The following CYP27B1 variants were observed in gnomAD, a reference collection of about 807,000 sequenced individuals.
CYP27B1 encodes 25-hydroxyvitamin D-1 alpha hydroxylase, mitochondrial.
A neutral mutation model predicts 54.8 loss-of-function variants in CYP27B1; 46 were observed. The observed-to-expected ratio is 0.84, with a 90% CI of 0.66 to 1.07. CYP27B1 has a LOEUF of 1.07. CYP27B1 is among the 50% of genes least tolerant of loss of function. The pLI, the probability that CYP27B1 is intolerant of heterozygous loss-of-function variation, is 0.00. For synonymous variants in CYP27B1, 292 were observed against 297.3 expected (o/e 0.98, Z 0.18); for missense variants, 674 against 692.2 (o/e 0.97, Z 0.30).
chr12:57,765,436 C>G lies in CYP27B1; in HGVS notation c.450G>C (p.Ala150=). ...TCAGGGTTCCGGCGTAGCGGGCGGC[C>G]GCTTGAGGCCGGAGGAGGAGCGGGG... ...LLAPLLLRPQ[A]AARYAGTLNN... The change falls in exon 3 of 9, where the codon GCG becomes GCC. Residue 150 remains alanine (A), a synonymous_variant. Transcript: ENST00000228606. The surrounding 1 kb of genome is among the most constrained non-coding windows in gnomAD (Gnocchi z 5.8). The G allele has an allele frequency of 6.2e-7, 1 of 1,612,884 alleles. No homozygotes were observed. The highest frequency in any genetic ancestry group is 8.5e-7 in the Non-Finnish European group (1 of 1,179,572).
rs763451961 is a variant in CYP27B1, at chr12:57,766,035, G to A, written c.358C>T (p.Arg120Cys). 8.3e-6 allele frequency: 13 copies of A among 1,569,612 alleles called. No individual in the cohort carries two copies. The highest frequency in any genetic ancestry group is 1.0e-5 in the Non-Finnish European group (12 of 1,162,062). ...FSPWTEHRRC[R>C]QRACGLLTAE... ...GTGAGCAGTCCGCAAGCCCGCTGGC[G>A]GCAGCGGCGGTGCTCCGTCCAGGGC... Residue 120 changes from arginine to cysteine, a missense_variant, in exon 2 of 9, where the codon CGC (arginine) becomes TGC (cysteine). Transcript: ENST00000228606.
intron 1 of CYP27B1, chr12:57,766,413 T>G (rs1051644994): frequency 1.6e-6 from 1 of 606,656 alleles, no homozygotes; most frequent in Non-Finnish European, 2.8e-6. Flanking sequence ...CGGAACTTTG[T>G]GCAAGGCAGA....
chr12:57,766,723 C>T, intron 1 of CYP27B1, 124 bp downstream of exon 1: 1 of 1,102,670 alleles, frequency 9.1e-7, no homozygotes, highest in South Asian at 1.4e-5. Flanking sequence ...TCGCCTTTTC[C>T]TTATTTCATG....
At position 57,765,973 on chromosome 12, in the gene CYP27B1, G is replaced by C; in HGVS notation, c.386+34C>G. On this transcript the variant is annotated intron_variant, in intron 2 of 8. Transcript: ENST00000228606. The surrounding 1 kb of genome is among the most constrained non-coding windows in gnomAD (Gnocchi z 5.8). ...CCGCAGCAGGAGAGGGCCGCTGCAG[G>C]GCGTCTGGGCTTCTGGGGGCAGAGA... 2 of 1,518,412 alleles carry C rather than the reference G, an allele frequency of 1.3e-6. No homozygotes were observed. Among genetic ancestry groups the C allele is most frequent in the East Asian group, 4.8e-5 (2 of 41,360 alleles). 94.1% of individuals were successfully genotyped at this position (1,518,412 alleles called of 1,614,324 possible). A position where few individuals can be genotyped will look rare whatever the true frequency, so the allele number is the denominator to read the frequency against.
At chr12:57,766,344 T>A in intron 1 of CYP27B1, 147 bp from the exon 2 acceptor site, 1 of 1,063,824 alleles carries the variant, frequency 9.4e-7, no homozygotes, top group Non-Finnish European at 1.3e-6. Context: ...CCTTTGATAC[T>A]GCAAACTCCT....
rs188819808 is a variant in CYP27B1 at position 57,763,826 on chromosome 12, A to C, written c.1216-18T>G. ...ACCAGCGTCTGGTGCAAAGGAAAAC[A>C]AACTTGTCAGTTTGGGCTCAGAATA... On this transcript the variant is annotated intron_variant, in intron 7 of 8. Coordinates refer to ENST00000228606, the MANE Select transcript of CYP27B1 (RefSeq NM_000785.4). 390 of 1,613,348 alleles carry C rather than the reference A, an allele frequency of 2.4e-4. No individual in the cohort carries two copies. Among genetic ancestry groups the C allele is most frequent in the Non-Finnish European group, 2.8e-4 (336 of 1,179,328 alleles).
At chr12:57,763,378 C>A in intron 8 of CYP27B1, 123 bp from the exon 9 acceptor site, 3 of 885,614 alleles carry the variant, frequency 3.4e-6, no homozygotes, top group Non-Finnish European at 5.6e-6. Flanking sequence ...TGGGTGGCAC[C>A]TGTGGCCAGT....
At position 57,766,380 on chromosome 12, in the gene CYP27B1, A is replaced by T. The variant is rs1955360870; in HGVS notation, c.196-183T>A. ...CCTCTCTCATTTCCCATCCCTAGAA[A>T]GTTTGAGTGTGATGGGCAAAACCGG... On this transcript the variant is annotated intron_variant, in intron 1 of 8. Transcript: ENST00000228606. The T allele has an allele frequency of 1.2e-5, 10 of 858,952 alleles. No individual in the cohort carries two copies. In the South Asian group the frequency reaches 2.2e-4, roughly 19 times the overall value. 53.2% of individuals were successfully genotyped at this position (858,952 alleles called of 1,614,324 possible). A position where few individuals can be genotyped will look rare whatever the true frequency, so the allele number is the denominator to read the frequency against.
At chr12:57,764,707 G>A (rs957482011) in intron 5 of CYP27B1, 47 bp downstream of exon 5, 1 of 1,612,458 alleles carries the variant, frequency 6.2e-7, no homozygotes, top group East Asian at 2.2e-5. Flanking sequence ...GGAGTCTGCG[G>A]AGGCTAAGCC....
intron 1 of CYP27B1, 147 bp from the exon 2 acceptor site, chr12:57,766,344 T>C (rs377299358): frequency 3.9e-5 from 42 of 1,063,710 alleles, no homozygotes; most frequent in African/African-American, 2.1e-4. Flanking sequence ...CCTTTGATAC[T>C]GCAAACTCCT....
rs1427237872 is a variant in CYP27B1, at chr12:57,765,091, G to A, written c.710C>T (p.Ala237Val). 2 of 1,613,904 alleles carry A rather than the reference G, an allele frequency of 1.2e-6. No homozygotes were observed. The highest frequency in any genetic ancestry group is 1.7e-6 in the Non-Finnish European group (2 of 1,180,032). The change falls in exon 4 of 9, where the codon GCG becomes GTG. Residue 237 changes from alanine (A) to valine (V), a missense_variant. Ala to Val is a moderately conservative substitution (Grantham distance 64). Transcript: ENST00000228606. This position sits in a 1 kb window ranked among gnomAD's most constrained non-coding sequence, Gnocchi z 5.8. ...SVFVSTLLTMAMPHWLRHLVP... is the reference protein window; with the variant it reads ...SVFVSTLLTMVMPHWLRHLVP... ...AAGGTGGCGCAGCCAGTGGGGCATC[G>A]CCATGGTCAACAGCGTGGACACAAA...
chr12:57,764,003 G>A (rs1246450993), intron 7 of CYP27B1, 95 bp downstream of exon 7: 7 of 1,176,090 alleles, frequency 6.0e-6, no homozygotes, highest in Non-Finnish European at 8.9e-6. Context: ...CAAGGGGAGT[G>A]TTTGAAGGGC....
Position 57,764,800 on chromosome 12 carries a change from G to A in CYP27B1, c.917C>T (p.Ser306Phe). 7 of 1,614,144 alleles carry A rather than the reference G, an allele frequency of 4.3e-6. No homozygotes were observed. The highest frequency in any genetic ancestry group is 5.9e-6 in the Non-Finnish European group (7 of 1,180,016). The change falls in exon 5 of 9, where the codon TCC (serine) becomes TTC (phenylalanine). Residue 306 changes from serine to phenylalanine, a missense_variant. Transcript: ENST00000228606. ...CAACTCTGTCACATTTCCCAGGATGGACTGGGCAGGCAACTCTTCCCGGAA... is the reference window on the plus strand; with the variant it reads ...CAACTCTGTCACATTTCCCAGGATGAACTGGGCAGGCAACTCTTCCCGGAA... Reference protein sequence around the residue: ...FLFREELPAQSILGNVTELLL... With the variant: ...FLFREELPAQFILGNVTELLL...
In CYP27B1 at chr12:57,765,331, G is replaced by A. The variant is rs1431468042; in HGVS notation, c.555C>T (p.Asp185=). ...RGTGPPALVR[D]VAGEFYKFGL... is the part of the protein sequence containing the mutation. The stretch of plus-strand genomic sequence containing the variant: ...CGAACTTGTAAAATTCCCCCGCCAC[G>A]TCCCGAACCAGGGCGGGCGGCCCCG... The change falls in exon 3 of 9, where the codon GAC becomes GAT. Residue 185 remains aspartate, a synonymous_variant. Transcript: ENST00000228606. The surrounding 1 kb of genome is among the most constrained non-coding windows in gnomAD (Gnocchi z 5.8). 2 of 1,613,418 alleles carry A rather than the reference G, an allele frequency of 1.2e-6. No individual in the cohort carries two copies. Among genetic ancestry groups the A allele is most frequent in the East Asian group, 2.2e-5 (1 of 44,860 alleles).
In CYP27B1 at chr12:57,764,398, C is replaced by A; in HGVS notation, c.1116G>T (p.Ala372=). ...CTCACCTTAGCACTTCCTTGACCAC[C>A]GCCTTCAGCAGGGGCAGCTGGGACA... The part of the protein sequence containing the change: ...TVLSQLPLLK[A]VVKEVLRLYP... The change falls in exon 6 of 9, where the codon GCG becomes GCT. Residue 372 remains alanine, a synonymous_variant. Transcript: ENST00000228606. 6.2e-7 allele frequency: 1 copy of A among 1,614,200 alleles called. No homozygotes were observed. Among genetic ancestry groups the A allele is most frequent in the Non-Finnish European group, 8.5e-7 (1 of 1,180,038 alleles).
In CYP27B1 at chr12:57,763,498, T is replaced by G. The variant is rs4646537; in HGVS notation, c.1413+113A>C. On this transcript the variant is annotated intron_variant, in intron 8 of 8. Coordinates refer to ENST00000228606, the MANE Select transcript of CYP27B1 (RefSeq NM_000785.4). ...ATGGGCTTATCATATTTCAGAAGAT[T>G]CATTCTACCAGGTCTTATATGATTT... The G allele has an allele frequency of 0.037, 38,043 of 1,023,504 alleles. 844 individuals carry two copies. Among genetic ancestry groups the G allele is most frequent in the African/African-American group, 0.087 (5,502 of 63,246 alleles). 63.4% of individuals were successfully genotyped at this position (1,023,504 alleles called of 1,614,324 possible). A position where few individuals can be genotyped will look rare whatever the true frequency, so the allele number is the denominator to read the frequency against.
At position 57,766,059 on chromosome 12, in the gene CYP27B1, G is replaced by C. The variant is rs1184200724; in HGVS notation, c.334C>G (p.Pro112Ala). 2 of 1,560,902 alleles carry C rather than the reference G, an allele frequency of 1.3e-6. No homozygotes were observed. Among genetic ancestry groups the C allele is most frequent in the Non-Finnish European group, 1.7e-6 (2 of 1,157,310 alleles). The change falls in exon 2 of 9, where the codon CCC (proline) becomes GCC (alanine). Residue 112 changes from proline (P) to alanine (A), a missense_variant. By Grantham distance (27) the Pro-to-Ala change is conservative. Transcript: ENST00000228606. ...GPRPERCSFS[P>A]WTEHRRCRQR... ...CGGCAGCGGCGGTGCTCCGTCCAGG[G>C]CGAGAAGCTGCAGCGCTCGGGCCGG...
rs1955337260 is a variant in CYP27B1, at chr12:57,763,768, G to C, written c.1256C>G (p.Pro419Arg). Residue 419 changes from proline to arginine, a missense_variant, in exon 8 of 9, where the codon CCT becomes CGT. Pro to Arg is a moderately radical substitution (Grantham distance 103). Transcript: ENST00000228606. ...AGAATTTGGCTCTGGGAACTGGGCA[G>C]GGTCCCTTGAAGTGGCATAGTGACA... is the stretch of plus-strand genomic sequence containing the variant. Reference protein sequence around the residue: ...TLCHYATSRDPAQFPEPNSFR... With the variant: ...TLCHYATSRDRAQFPEPNSFR... The C allele has an allele frequency of 6.2e-6, 10 of 1,614,212 alleles. No homozygotes were observed. The highest frequency in any genetic ancestry group is 7.6e-6 in the Non-Finnish European group (9 of 1,180,040).
At position 57,766,875 on chromosome 12, in the gene CYP27B1, C is replaced by A; in HGVS notation, c.167G>T (p.Gly56Val). The A allele has an allele frequency of 6.2e-7, 1 of 1,614,246 alleles. No individual in the cohort carries two copies. Among genetic ancestry groups the A allele is most frequent in the Non-Finnish European group, 8.5e-7 (1 of 1,180,046 alleles). ...PSFLAELFCK[G>V]GLSRLHELQV... ...CAGCTCGTGTAGCCTCGACAGCCCC[C>A]CCTTGCAGAAAAGTTCGGCCAGAAA... The change falls in exon 1 of 9, where the codon GGG becomes GTG. Residue 56 changes from glycine (G) to valine (V), a missense_variant. By Grantham distance (109) the Gly-to-Val change is moderately radical. Coordinates refer to ENST00000228606, the MANE Select transcript of CYP27B1 (RefSeq NM_000785.4).
Sources: gnomAD v4.1 joint callset for allele counts on GRCh38, gnomAD v4.1.1 for gene constraint, Gnocchi (gnomAD v3.1) non-coding constraint, MANE v1.5 for transcripts, NCBI Gene and HGNC (gene_info 2026-07-23, HGNC 2026-07-21) for gene names.